The following SERPINB6 variants were observed in gnomAD, a reference collection of about 807,000 sequenced individuals.
The protein encoded by SERPINB6 is serpin B6.
SERPINB6 carries 16 observed loss-of-function variants against 26.1 expected under a neutral mutation model. The observed-to-expected ratio is 0.61, with a 90% CI of 0.42 to 0.93. The LOEUF is 0.93. Ranked by LOEUF, SERPINB6 falls within the 40% of genes least tolerant of loss-of-function variation. The probability of loss-of-function intolerance (pLI) is 0.00; values close to 1 mark genes in which losing one functional copy is unlikely to be tolerated. For missense variants in SERPINB6, 420 were observed against 478.0 expected (o/e 0.88, Z 1.13); for synonymous variants, 174 against 176.6 (o/e 0.99, Z 0.11).
rs763146409 is a variant in SERPINB6 at position 2,948,745 on chromosome 6, C to A, written c.730-46G>T. ...ACTTTAAGACCCAGGGTGCTGCTGC[C>A]CAGCAGGGCCCTGTGCTATGCTGTG... is the stretch of plus-strand genomic sequence containing the variant. On this transcript the variant is annotated intron_variant, in intron 6 of 6. Coordinates refer to ENST00000380539, the MANE Select transcript of SERPINB6 (RefSeq NM_004568.6). The surrounding 1 kb of genome is among the most constrained non-coding windows in gnomAD (Gnocchi z 5.0). 1.9e-6 allele frequency: 3 copies of A among 1,584,456 alleles called. No individual in the cohort carries two copies.
At chr6:2,949,164 C>T (rs568848483) in intron 5 of SERPINB6, 95 bp from the exon 6 acceptor site, 78 of 1,388,290 alleles carry the variant, frequency 5.6e-5, no homozygotes, top group Non-Finnish European at 6.5e-5. Flanking sequence ...CAGGGAGAAA[C>T]GCAGCTCGGT....
At chr6:2,954,969 C>T (rs1020262081) in intron 3 of SERPINB6, 4 of 433,586 alleles carry the variant, frequency 9.2e-6, no homozygotes, top group East Asian at 4.6e-5. Context: ...GCGGGTGGAT[C>T]GTGTGAGCTC....
chr6:2,969,791 G>GT (rs1771963795), intron 1 of SERPINB6: 2 of 821,938 alleles, frequency 2.4e-6, no homozygotes, highest in Admixed American at 6.6e-5. Flanking sequence ...TGTGTGTTGT[G>GT]TGTGTATGTG....
At chr6:2,953,253 G>C in intron 4 of SERPINB6, 67 bp from the exon 5 acceptor site, 2 of 1,606,094 alleles carry the variant, frequency 1.2e-6, no homozygotes, top group Non-Finnish European at 1.7e-6. Context: ...ATCAGGAATC[G>C]GCTGGGGCCT....
At chr6:2,959,524 G>A in intron 1 of SERPINB6, 182 bp from the exon 2 acceptor site, 1 of 664,950 alleles carries the variant, frequency 1.5e-6, no homozygotes, top group Non-Finnish European at 2.6e-6. Flanking sequence ...AATGTTAAGT[G>A]TGGAAAATGA....
chr6:2,966,513 T>G, intron 1 of SERPINB6: 1 of 554,690 alleles, frequency 1.8e-6, no homozygotes, highest in Non-Finnish European at 2.3e-6. Context: ...CACCTCCTGT[T>G]AGGTCAGTGG....
intron 3 of SERPINB6, 43 bp from the exon 4 acceptor site, chr6:2,954,752 A>G (rs759917932): frequency 7.5e-7 from 1 of 1,334,652 alleles, no homozygotes; most frequent in Non-Finnish European, 1.1e-6. Context: ...TACAAAAATG[A>G]TGAACACCAA....
intron 1 of SERPINB6, 89 bp from the exon 2 acceptor site, chr6:2,959,431 T>A: frequency 7.6e-7 from 1 of 1,317,534 alleles, no homozygotes. Context: ...CCGCCGATGC[T>A]GTGGTTCAGT....
intron 1 of SERPINB6, chr6:2,968,055 C>G (rs1771789376): frequency 6.6e-6 from 1 of 152,196 alleles, no homozygotes; most frequent in Non-Finnish European, 1.5e-5. Context: ...AACCTAAATG[C>G]CCATGCATGG....
intron 1 of SERPINB6, chr6:2,970,009 G>A (rs1399226397): frequency 2.2e-6 from 2 of 909,842 alleles, no homozygotes; most frequent in Non-Finnish European, 2.6e-6. Flanking sequence ...GAGCCCGGGA[G>A]GTGGAGGTTG....
At chr6:2,960,154 G>A in intron 1 of SERPINB6, 1 of 153,278 alleles carries the variant, frequency 6.5e-6, no homozygotes, top group Non-Finnish European at 1.5e-5. Context: ...AGGGTCCAGA[G>A]CAGGAATGCA....
At position 2,954,665 on chromosome 6, in the gene SERPINB6, C is replaced by T. The variant is rs1215947691; in HGVS notation, c.357G>A (p.Glu119=). The T allele has an allele frequency of 6.2e-7, 1 of 1,614,022 alleles. No homozygotes were observed. Among genetic ancestry groups the T allele is most frequent in the African/African-American group, 1.3e-5 (1 of 74,992 alleles). The change falls in exon 4 of 7, where the codon GAG becomes GAA. Residue 119 remains glutamate (E), a synonymous_variant. Transcript: ENST00000380539. The stretch of plus-strand genomic sequence containing the variant: ...CTACGGCGCTGATAAAGTCAAGCTC[C>T]TCCATCTCTGCTTGGTAGAATTTTT... ...SCQKFYQAEM[E]ELDFISAVEK...
At chr6:2,965,412 G>A (rs775421130) in intron 1 of SERPINB6, among the ~76,000 whole-genome samples, 2 of 147,434 alleles carry the variant, frequency 1.4e-5, no homozygotes, top group Non-Finnish European at 3.0e-5. Context: ...TAGTTTGGCA[G>A]GCTGGTCAGA....
intron 5 of SERPINB6, among the ~76,000 whole-genome samples, chr6:2,952,659 G>C (rs1406470922): frequency 6.6e-6 from 1 of 152,234 alleles, no homozygotes; most frequent in African/African-American, 2.4e-5. Context: ...TCAGCAGGCT[G>C]AGTTGTTCCG....
In SERPINB6 at chr6:2,955,031, A is replaced by G. The variant is rs1770269154; in HGVS notation, c.313-322T>C. On this transcript the variant is annotated intron_variant, in intron 3 of 6. Coordinates refer to ENST00000380539, the MANE Select transcript of SERPINB6 (RefSeq NM_004568.6). Reference sequence around the variant, plus strand: ...ATGGCGAAAGCCCGTCTCTACTAAAAATACAAAAATTAGCCATGTATGGTG... The same window carrying G: ...ATGGCGAAAGCCCGTCTCTACTAAAGATACAAAAATTAGCCATGTATGGTG... 1.2e-5 allele frequency: 4 copies of G among 321,860 alleles called. No homozygotes were observed. The South Asian group carries it at 1.2e-4, about 10-fold the overall frequency. 19.9% of individuals were successfully genotyped at this position (321,860 alleles called of 1,614,324 possible). A position where few individuals can be genotyped will look rare whatever the true frequency, so the allele number is the denominator to read the frequency against.
chr6:2,954,563 A>G (rs756094608), intron 4 of SERPINB6, 29 bp downstream of exon 4: 1 of 1,512,730 alleles, frequency 6.6e-7, no homozygotes, highest in East Asian at 2.3e-5. Context: ...AGAGGTTATT[A>G]CAAAAGTAGA....
rs759080903 is a variant in SERPINB6, at chr6:2,948,390, G to A, written c.1039C>T (p.Pro347Ser). The change falls in exon 7 of 7, where the codon CCC (proline) becomes TCC (serine). Residue 347 changes from proline to serine, a missense_variant. Pro to Ser is a moderately conservative substitution (Grantham distance 74). Coordinates refer to ENST00000380539, the MANE Select transcript of SERPINB6 (RefSeq NM_004568.6). This position sits in a 1 kb window ranked among gnomAD's most constrained non-coding sequence, Gnocchi z 5.0. ...IMMMRCARFV[P>S]RFCADHPFLF... ...AAGGGGTGGTCGGCGCAGAAGCGGG[G>A]GACGAATCTGGCACACCGCATCATC... The A allele has an allele frequency of 1.9e-6, 3 of 1,614,130 alleles. No homozygotes were observed. Among genetic ancestry groups the A allele is most frequent in the Non-Finnish European group, 1.7e-6 (2 of 1,180,014 alleles).
intron 1 of SERPINB6, among the ~76,000 whole-genome samples, chr6:2,965,149 TA>T (rs1402837421): frequency 6.6e-6 from 1 of 152,258 alleles, no homozygotes; most frequent in Non-Finnish European, 1.5e-5. Context: ...TGCCTTATAT[TA>T]ATAGTGCCTT....
intron 1 of SERPINB6, chr6:2,959,665 C>A: frequency 2.5e-6 from 1 of 400,160 alleles, no homozygotes; most frequent in South Asian, 2.3e-5. Flanking sequence ...ACAGAAGGGG[C>A]ACTGGCTTTT....
Sources: gnomAD v4.1 joint callset for allele counts (sites outside exome capture counted in the v4.1 genomes callset) on GRCh38, gnomAD v4.1.1 for gene constraint, Gnocchi (gnomAD v3.1) non-coding constraint, MANE v1.5 for transcripts, NCBI Gene and HGNC (gene_info 2026-07-23, HGNC 2026-07-21) for gene names.